Variants in FBXL4 observed in about 807,000 individuals in gnomAD.
The protein encoded by FBXL4 is F-box and leucine rich repeat protein 4.
In FBXL4, 40 loss-of-function variants were observed where a neutral mutation model predicts 58.9. That is an observed-to-expected ratio of 0.68 (90% CI 0.53 to 0.88). The LOEUF (loss-of-function observed/expected upper bound fraction) is 0.88, where lower values mean the gene tolerates loss of function less well. FBXL4 is among the 40% of genes least tolerant of loss of function. The pLI is 0.00. For synonymous variants in FBXL4, 263 were observed against 265.5 expected, an observed-to-expected ratio of 0.99 and a Z score of 0.09; for missense variants, 676 against 734.4, an observed-to-expected ratio of 0.92 and a Z score of 0.92.
At chr6:98,889,338 C>G (rs1771142974) in intron 7 of FBXL4, among the ~76,000 whole-genome samples, 1 of 152,086 alleles carries the variant, frequency 6.6e-6, no homozygotes, top group Non-Finnish European at 1.5e-5. Flanking sequence ...GTTTGTTTAG[C>G]AAGTTTATTC....
intron 5 of FBXL4, among the ~76,000 whole-genome samples, chr6:98,907,230 A>C (rs903909521): frequency 6.6e-5 from 10 of 152,206 alleles, no homozygotes; most frequent in Non-Finnish European, 1.5e-4. Context: ...AAAGCCTCAC[A>C]GAGGAGCTTG....
At chr6:98,916,509 C>T (rs1188092619) in intron 5 of FBXL4, among the ~76,000 whole-genome samples, 3 of 151,938 alleles carry the variant, frequency 2.0e-5, no homozygotes, top group Non-Finnish European at 4.4e-5. Flanking sequence ...GAGTTCATGT[C>T]CTTTGTAGGG....
chr6:98,888,991 A>C lies in FBXL4; in HGVS notation c.1318-8367T>G, dbSNP rs567434238. Among the ~76,000 whole-genome samples, 3 of 152,368 alleles carry C rather than the reference A, an allele frequency of 2.0e-5. No individual in the cohort carries two copies. In the South Asian group the frequency reaches 6.2e-4, roughly 32 times the overall value. ...ACACATAAGAAGCATACGCTTCTTA[A>C]CCTGGGATCAAACTGGAAGAGTAAA... On this transcript the variant is annotated intron_variant, in intron 7 of 9. Coordinates refer to ENST00000369244, the MANE Select transcript of FBXL4 (RefSeq NM_001278716.2).
chr6:98,894,200 G>A (rs1038138403), intron 7 of FBXL4, among the ~76,000 whole-genome samples: 3 of 152,116 alleles, frequency 2.0e-5, no homozygotes, highest in Non-Finnish European at 4.4e-5. Context: ...CTACTTTCAC[G>A]AAAATACATC....
chr6:98,943,274 A>T (rs1369468447), intron 1 of FBXL4, among the ~76,000 whole-genome samples: 1 of 152,202 alleles, frequency 6.6e-6, no homozygotes, highest in East Asian at 1.9e-4. Flanking sequence ...AACAAAAAAA[A>T]AAAGGACAAA....
chr6:98,923,123 C>T (rs1030621022), intron 4 of FBXL4, among the ~76,000 whole-genome samples: 14 of 152,100 alleles, frequency 9.2e-5, no homozygotes, highest in African/African-American at 3.4e-4. Flanking sequence ...CCTTCCAGCC[C>T]ATGGTAAAAG....
At chr6:98,931,120 C>T (rs1204197531) in intron 2 of FBXL4, among the ~76,000 whole-genome samples, 1 of 152,176 alleles carries the variant, frequency 6.6e-6, no homozygotes. Context: ...TCTCACTCCA[C>T]GGTCTATAAA....
chr6:98,893,499 G>T (rs1771302760), intron 7 of FBXL4, among the ~76,000 whole-genome samples: 1 of 152,082 alleles, frequency 6.6e-6, no homozygotes, highest in Admixed American at 6.6e-5. Flanking sequence ...CTACCCTAAT[G>T]ACCTCATTTA....
intron 6 of FBXL4, among the ~76,000 whole-genome samples, chr6:98,902,122 A>T (rs1234432558): frequency 6.6e-6 from 1 of 152,168 alleles, no homozygotes; most frequent in Non-Finnish European, 1.5e-5. Flanking sequence ...ACTTGAGTTT[A>T]CTTATCACAA....
intron 7 of FBXL4, among the ~76,000 whole-genome samples, chr6:98,889,578 G>C (rs1359942362): frequency 1.3e-5 from 2 of 151,750 alleles, no homozygotes; most frequent in African/African-American, 4.9e-5. Context: ...ATACTTTGGA[G>C]GCTGAGCTAG....
intron 2 of FBXL4, among the ~76,000 whole-genome samples, chr6:98,929,696 G>A (rs1231798534): frequency 1.3e-5 from 2 of 152,082 alleles, no homozygotes; most frequent in African/African-American, 2.4e-5. Flanking sequence ...GGTTACAAGG[G>A]GACTCCCTAA....
At position 98,917,493 on chromosome 6, in the gene FBXL4, C is replaced by T; in HGVS notation, c.739G>A (p.Glu247Lys). 6.2e-7 allele frequency: 1 copy of T among 1,614,044 alleles called. No homozygotes were observed. The highest frequency in any genetic ancestry group is 8.5e-7 in the Non-Finnish European group (1 of 1,179,940). Residue 247 changes from glutamate (E) to lysine (K), a missense_variant, in exon 5 of 10, where the codon GAA becomes AAA. Transcript: ENST00000369244. The stretch of plus-strand genomic sequence containing the variant: ...TCCTTTTCTGCATAGGCATCATCTT[C>T]TATATCATTCATGTCAATAAGTGAA... Reference protein sequence around the residue: ...KTSLIDMNDIEDDAYAEKDGC... With the variant: ...KTSLIDMNDIKDDAYAEKDGC...
chr6:98,931,053 G>A (rs943266633), intron 2 of FBXL4, among the ~76,000 whole-genome samples: 1 of 152,238 alleles, frequency 6.6e-6, no homozygotes, highest in African/African-American at 2.4e-5. Flanking sequence ...GGGAAGGACA[G>A]AAAACCATCT....
intron 1 of FBXL4, among the ~76,000 whole-genome samples, chr6:98,935,960 TTTTG>T (rs1351096742): frequency 6.6e-6 from 1 of 152,164 alleles, no homozygotes; most frequent in African/African-American, 2.4e-5. Context: ...AAAAATGATA[TTTTG>T]TTTGTTAAAG....
chr6:98,917,799 A>G (rs1582425979), intron 4 of FBXL4, 80 bp from the exon 5 acceptor site: 1 of 931,502 alleles, frequency 1.1e-6, no homozygotes, highest in Non-Finnish European at 1.6e-6. Flanking sequence ...CCCATGCCCA[A>G]TATGTCACAG....
chr6:98,933,986 C>T (rs1394111548), intron 2 of FBXL4, among the ~76,000 whole-genome samples: 8 of 151,986 alleles, frequency 5.3e-5, no homozygotes, highest in Non-Finnish European at 1.0e-4. Context: ...TGAAGCCATC[C>T]AAGAAGGAAT....
chr6:98,928,240 T>C (rs571312290), intron 2 of FBXL4, among the ~76,000 whole-genome samples: 1 of 152,280 alleles, frequency 6.6e-6, no homozygotes, highest in South Asian at 2.1e-4. Flanking sequence ...TAGGTAAACT[T>C]TTGTTGACAA....
chr6:98,917,785 T>C (rs1022013838), intron 4 of FBXL4, 66 bp from the exon 5 acceptor site: 5 of 1,153,094 alleles, frequency 4.3e-6, no homozygotes, highest in Admixed American at 4.8e-5. Flanking sequence ...CTTAAGGTTA[T>C]AGACCCATGC....
chr6:98,925,022 G>A lies in FBXL4; in HGVS notation c.512+1455C>T, dbSNP rs139865756. Among the ~76,000 whole-genome samples the A allele has an allele frequency of 6.0e-3, 911 of 152,280 alleles. 9 individuals carry two copies. Among genetic ancestry groups the A allele is most frequent in the African/African-American group, 0.02 (839 of 41,566 alleles). ...GTAGGCACTAAAATATTTAATGAAC[G>A]AGTGATTTAATAAAGTGATATGAAG... On this transcript the variant is annotated intron_variant, in intron 4 of 9. Coordinates refer to ENST00000369244, the MANE Select transcript of FBXL4 (RefSeq NM_001278716.2).
Sources: allele counts gnomAD v4.1 joint callset (sites outside exome capture counted in the v4.1 genomes callset), GRCh38; gene constraint gnomAD v4.1.1; transcripts MANE v1.5; gene names NCBI Gene and HGNC (gene_info 2026-07-23, HGNC 2026-07-21).